Variants in AMPH observed in about 807,000 individuals in gnomAD.
AMPH encodes the protein amphiphysin.
AMPH carries 49 observed loss-of-function variants against 99.1 expected under a neutral mutation model. The ratio of observed to expected loss-of-function variants is 0.49; its 90% CI spans 0.39 to 0.63. AMPH has a LOEUF of 0.63. AMPH is among the 20% of genes least tolerant of loss of function. The pLI, the probability that AMPH is intolerant of heterozygous loss-of-function variation, is 0.00. For synonymous variants in AMPH, 314 were observed against 317.3 expected (o/e 0.99, Z 0.11); for missense variants, 759 against 863.4 (o/e 0.88, Z 1.52).
At chr7:38,592,987 C>T (rs886280126) in intron 1 of AMPH, among the ~76,000 whole-genome samples, 5 of 152,170 alleles carry the variant, frequency 3.3e-5, no homozygotes, top group African/African-American at 1.2e-4. Flanking sequence ...TTCTTCTGAA[C>T]CTGCATTATC....
intron 1 of AMPH, among the ~76,000 whole-genome samples, chr7:38,617,214 C>A (rs1793903933): frequency 6.6e-6 from 1 of 152,192 alleles, no homozygotes; most frequent in African/African-American, 2.4e-5. Context: ...CTGATCTACA[C>A]CCAAACTCTA....
intron 13 of AMPH, 66 bp downstream of exon 13, chr7:38,432,123 T>C (rs548518516): frequency 7.5e-7 from 1 of 1,332,582 alleles, no homozygotes; most frequent in South Asian, 1.2e-5. Context: ...TGAAATAAAA[T>C]ATAACAAGGT....
chr7:38,624,897 TAAAA>T (rs909821847), intron 1 of AMPH, among the ~76,000 whole-genome samples: 3 of 149,844 alleles, frequency 2.0e-5, no homozygotes, highest in African/African-American at 7.4e-5. Context: ...TTACAGATGC[TAAAA>T]AAGATGAAAG....
chr7:38,390,739 T>C (rs1366692007), intron 19 of AMPH, among the ~76,000 whole-genome samples: 1 of 152,118 alleles, frequency 6.6e-6, no homozygotes, highest in Non-Finnish European at 1.5e-5. Context: ...CTACAGTTAG[T>C]GAGGAGGCCA....
chr7:38,542,606 G>A (rs1790845359), intron 1 of AMPH, among the ~76,000 whole-genome samples: 1 of 152,124 alleles, frequency 6.6e-6, no homozygotes, highest in Non-Finnish European at 1.5e-5. Flanking sequence ...GTCTGTTCCT[G>A]ATTGCTTTAT....
At chr7:38,595,978 T>A (rs1793040622) in intron 1 of AMPH, among the ~76,000 whole-genome samples, 1 of 152,222 alleles carries the variant, frequency 6.6e-6, no homozygotes, top group Admixed American at 6.5e-5. Flanking sequence ...GACACCTGGA[T>A]TGATTCCATG....
At chr7:38,572,433 A>C (rs1030555918) in intron 1 of AMPH, among the ~76,000 whole-genome samples, 1 of 152,168 alleles carries the variant, frequency 6.6e-6, no homozygotes, top group African/African-American at 2.4e-5. Flanking sequence ...ACACAACAAT[A>C]AAATTGCCTA....
chr7:38,621,597 T>C (rs1794065322), intron 1 of AMPH, among the ~76,000 whole-genome samples: 1 of 152,174 alleles, frequency 6.6e-6, no homozygotes, highest in South Asian at 2.1e-4. Context: ...TATAGGCACG[T>C]AAAGATAGGG....
intron 17 of AMPH, among the ~76,000 whole-genome samples, chr7:38,402,006 G>A (rs543528792): frequency 2.0e-5 from 3 of 152,034 alleles, no homozygotes; most frequent in African/African-American, 7.2e-5. Flanking sequence ...TTTATGTGTT[G>A]GGAGAACTCC....
chr7:38,567,083 T>C (rs1418299086), intron 1 of AMPH, among the ~76,000 whole-genome samples: 2 of 152,144 alleles, frequency 1.3e-5, no homozygotes, highest in African/African-American at 4.8e-5. Context: ...TAAAGACATA[T>C]GCACATGTAT....
At chr7:38,591,406 G>A (rs560512126) in intron 1 of AMPH, among the ~76,000 whole-genome samples, 1 of 151,230 alleles carries the variant, frequency 6.6e-6, no homozygotes, top group African/African-American at 2.4e-5. Context: ...TCCTGCCTCA[G>A]CCTCCCTAGT....
At chr7:38,619,531 T>C (rs981715690) in intron 1 of AMPH, among the ~76,000 whole-genome samples, 1 of 152,210 alleles carries the variant, frequency 6.6e-6, no homozygotes, top group African/African-American at 2.4e-5. Flanking sequence ...CAACTCATCC[T>C]AACACACATC....
chr7:38,495,523 T>C (rs892793836), intron 3 of AMPH, among the ~76,000 whole-genome samples: 1 of 151,962 alleles, frequency 6.6e-6, no homozygotes, highest in Non-Finnish European at 1.5e-5. Context: ...TGTATATCTT[T>C]GGGACGTGGG....
Position 38,610,372 on chromosome 7 carries a change from A to G in AMPH, c.69+20911T>C, listed in dbSNP as rs202167018. On this transcript the variant is annotated intron_variant, in intron 1 of 20. Coordinates refer to ENST00000356264, the MANE Select transcript of AMPH (RefSeq NM_001635.4). ...AGAAAAGAAAAGAAAAGAAAAGAAAAGAAAGGAAAGGAAAAGAAAAGAAAA... is the reference window on the plus strand; with the variant it reads ...AGAAAAGAAAAGAAAAGAAAAGAAAGGAAAGGAAAGGAAAAGAAAAGAAAA... 5.5e-3 allele frequency among the ~76,000 whole-genome samples: 203 copies of G among 36,936 alleles called. 3 individuals carry two copies. In the East Asian group the frequency reaches 0.059, roughly 11 times the overall value. 24.2% of individuals were successfully genotyped at this position (36,936 alleles called of 152,430 possible). A position where few individuals can be genotyped will look rare whatever the true frequency, so the allele number is the denominator to read the frequency against.
intron 2 of AMPH, among the ~76,000 whole-genome samples, chr7:38,516,530 T>C (rs547584806): frequency 5.3e-5 from 8 of 152,220 alleles, no homozygotes; most frequent in Non-Finnish European, 8.8e-5. Context: ...TGGAAACACC[T>C]GGTCCAGGCA....
intron 1 of AMPH, among the ~76,000 whole-genome samples, chr7:38,596,529 C>T (rs1026557715): frequency 6.6e-6 from 1 of 152,178 alleles, no homozygotes; most frequent in Non-Finnish European, 1.5e-5. Context: ...AAATCTTAAA[C>T]TGGGACCCTA....
At chr7:38,498,110 C>A (rs1053244097) in intron 3 of AMPH, among the ~76,000 whole-genome samples, 33 of 152,176 alleles carry the variant, frequency 2.2e-4, no homozygotes, top group Admixed American at 2.1e-3. Flanking sequence ...TGCTTCAACT[C>A]CTTTTCTCAG....
intron 17 of AMPH, among the ~76,000 whole-genome samples, chr7:38,413,737 T>G (rs544060396): frequency 2.0e-5 from 3 of 152,324 alleles, no homozygotes; most frequent in Non-Finnish European, 4.4e-5. Flanking sequence ...TCTTAAAGCA[T>G]GCTTCAGTGT....
intron 1 of AMPH, among the ~76,000 whole-genome samples, chr7:38,548,104 C>A (rs904571322): frequency 6.7e-6 from 1 of 150,176 alleles, no homozygotes; most frequent in Non-Finnish European, 1.5e-5. Context: ...TCTCCGCTCA[C>A]GGCAAGCTCC....
Sources: allele counts gnomAD v4.1 joint callset (sites outside exome capture counted in the v4.1 genomes callset), GRCh38; gene constraint gnomAD v4.1.1; transcripts MANE v1.5; gene names NCBI Gene and HGNC (gene_info 2026-07-23, HGNC 2026-07-21).